Variants in FBLN2 observed in about 807,000 individuals in gnomAD.
FBLN2 encodes fibulin 2.
A neutral mutation model predicts 123.7 loss-of-function variants in FBLN2; 81 were observed. The observed-to-expected ratio is 0.65, with a 90% CI of 0.55 to 0.79. The LOEUF (loss-of-function observed/expected upper bound fraction) is 0.79, where lower values mean the gene tolerates loss of function less well. FBLN2 is among the 30% of genes least tolerant of loss of function. The probability of loss-of-function intolerance (pLI) is 0.00; values close to 1 mark genes in which losing one functional copy is unlikely to be tolerated. For missense variants in FBLN2, 1,603 were observed against 1,681.3 expected (o/e 0.95, Z 0.81); for synonymous variants, 699 against 701.4 (o/e 1.00, Z 0.05).
chr3:13,617,050 G>A (rs1053952067), intron 5 of FBLN2, among the ~76,000 whole-genome samples: 3 of 152,186 alleles, frequency 2.0e-5, no homozygotes, highest in South Asian at 2.1e-4. Flanking sequence ...CTGTCCTATT[G>A]TAGAGGACTC....
At chr3:13,630,596 C>A in intron 14 of FBLN2, 103 bp from the exon 15 acceptor site, 1 of 956,858 alleles carries the variant, frequency 1.0e-6, no homozygotes, top group Non-Finnish European at 1.6e-6. Context: ...CAACCCCAGT[C>A]CAGGCCGGGG....
intron 1 of FBLN2, among the ~76,000 whole-genome samples, chr3:13,562,055 T>C (rs1475816297): frequency 6.6e-6 from 1 of 152,208 alleles, no homozygotes; most frequent in African/African-American, 2.4e-5. Flanking sequence ...GATTAACAGC[T>C]AAAATCCCTA....
intron 2 of FBLN2, among the ~76,000 whole-genome samples, chr3:13,589,927 G>T (rs1250410486): frequency 6.6e-6 from 1 of 152,058 alleles, no homozygotes; most frequent in Non-Finnish European, 1.5e-5. Context: ...TTTTAATCCA[G>T]ATTAATATAA....
chr3:13,561,586 T>C (rs571930588), intron 1 of FBLN2, among the ~76,000 whole-genome samples: 1 of 152,326 alleles, frequency 6.6e-6, no homozygotes, highest in African/African-American at 2.4e-5. Flanking sequence ...CCCAGATCTT[T>C]GCATGGCCAC....
intron 15 of FBLN2, 131 bp downstream of exon 15, chr3:13,630,946 C>T (rs776730446): frequency 2.1e-5 from 15 of 716,336 alleles, no homozygotes; most frequent in Non-Finnish European, 3.1e-5. Flanking sequence ...CAAGCCCCAG[C>T]CCTGCAGTTT....
chr3:13,625,532 C>T (rs1409716126), intron 9 of FBLN2, among the ~76,000 whole-genome samples: 1 of 152,120 alleles, frequency 6.6e-6, no homozygotes, highest in Non-Finnish European at 1.5e-5. Flanking sequence ...GCCAGCAGGG[C>T]TCCCACCTTC....
At chr3:13,556,935 C>G (rs1703479239) in intron 1 of FBLN2, among the ~76,000 whole-genome samples, 1 of 152,238 alleles carries the variant, frequency 6.6e-6, no homozygotes, top group South Asian at 2.1e-4. Context: ...CACCAGGACT[C>G]CCTCACGCCC....
chr3:13,591,642 C>T (rs1327350777), intron 2 of FBLN2, among the ~76,000 whole-genome samples: 1 of 152,164 alleles, frequency 6.6e-6, no homozygotes, highest in Non-Finnish European at 1.5e-5. Flanking sequence ...ACCATTACCA[C>T]TCCGTCTTGA....
chr3:13,630,866 T>C, intron 15 of FBLN2, 51 bp downstream of exon 15: 1 of 1,404,720 alleles, frequency 7.1e-7, no homozygotes, highest in Non-Finnish European at 9.9e-7. Flanking sequence ...CTCCTTTCCC[T>C]TGTGCCAGGC....
chr3:13,603,910 CT>C (rs1381691414), intron 2 of FBLN2, among the ~76,000 whole-genome samples: 1 of 152,160 alleles, frequency 6.6e-6, no homozygotes, highest in African/African-American at 2.4e-5. Context: ...TGTTTCCTGA[CT>C]TTTTAATGAT....
chr3:13,595,212 A>G (rs1215665812), intron 2 of FBLN2, among the ~76,000 whole-genome samples: 1 of 152,176 alleles, frequency 6.6e-6, no homozygotes, highest in Non-Finnish European at 1.5e-5. Context: ...GTGTCCAGAC[A>G]GTAAACACCC....
chr3:13,629,891 C>T lies in FBLN2; in HGVS notation c.2914C>T (p.Arg972Cys), dbSNP rs757259469. 5 of 1,604,598 alleles carry T rather than the reference C, an allele frequency of 3.1e-6. No individual in the cohort carries two copies. Among genetic ancestry groups the T allele is most frequent in the South Asian group, 1.1e-5 (1 of 88,954 alleles). ...HTCENTLGSY[R>C]CSCASGFLLA... ...GTGTGAGAACACACTCGGCTCCTAC[C>T]GCTGTTCCTGCGCCTCCGGGTTCCT... The change falls in exon 14 of 18, where the codon CGC becomes TGC. Residue 972 changes from arginine to cysteine, a missense_variant. Arg to Cys is a radical substitution (Grantham distance 180). Coordinates refer to ENST00000404922, the MANE Select transcript of FBLN2 (RefSeq NM_001004019.2).
Position 13,571,195 on chromosome 3 carries a change from A to G in FBLN2, c.840A>G (p.Glu280=). 1 of 1,569,946 alleles carries G rather than the reference A, an allele frequency of 6.4e-7. No homozygotes were observed. The highest frequency in any genetic ancestry group is 1.2e-5 in the South Asian group (1 of 85,696). Residue 280 remains glutamate, a synonymous_variant, in exon 2 of 18, where the codon GAA becomes GAG. Transcript: ENST00000404922. ...ARRVTEDSEE[E]EEEEEEREEM... ...GAGTGACCGAGGACAGTGAGGAGGA[A>G]GAAGAGGAGGAGGAGGAGAGAGAGG...
At chr3:13,600,217 C>G (rs1259168019) in intron 2 of FBLN2, among the ~76,000 whole-genome samples, 1 of 152,082 alleles carries the variant, frequency 6.6e-6, no homozygotes, top group Non-Finnish European at 1.5e-5. Context: ...AGGGTACTCA[C>G]TCATCGTGCT....
At chr3:13,613,619 C>T (rs975991949) in intron 4 of FBLN2, among the ~76,000 whole-genome samples, 1 of 152,118 alleles carries the variant, frequency 6.6e-6, no homozygotes, top group African/African-American at 2.4e-5. Flanking sequence ...AGTTTAAAGC[C>T]CTCCTGAAGG....
At chr3:13,553,029 G>T (rs1703366663) in intron 1 of FBLN2, among the ~76,000 whole-genome samples, 1 of 152,180 alleles carries the variant, frequency 6.6e-6, no homozygotes, top group Non-Finnish European at 1.5e-5. Flanking sequence ...GCTGAGCCTG[G>T]GTGGTCAGGG....
At position 13,570,413 on chromosome 3, in the gene FBLN2, C is replaced by T. The variant is rs1400316929; in HGVS notation, c.58C>T (p.Leu20=). ...AWLALGLALA[L]GPSVAAAAPR... is the part of the protein sequence containing the mutation. ...GCTTGCTCTGGGCCTGGCCCTGGCC[C>T]TGGGCCCCAGCGTGGCCGCAGCTGC... The change falls in exon 2 of 18, where the codon CTG becomes TTG. Residue 20 remains leucine, a synonymous_variant. Transcript: ENST00000404922. The T allele has an allele frequency of 3.8e-6, 6 of 1,578,348 alleles. No homozygotes were observed. Among genetic ancestry groups the T allele is most frequent in the East Asian group, 4.6e-5 (2 of 43,196 alleles).
chr3:13,630,186 C>T (rs1161168395), intron 14 of FBLN2, among the ~76,000 whole-genome samples: 2 of 152,224 alleles, frequency 1.3e-5, no homozygotes, highest in African/African-American at 4.8e-5. Context: ...CTCCAGCTCC[C>T]TCAGTCCAGA....
Position 13,559,037 on chromosome 3 carries a change from A to G in FBLN2, c.-42+9829A>G, listed in dbSNP as rs1574942268. The stretch of plus-strand genomic sequence containing the variant: ...GGACAACAGAGGGGGATGGGTTAGG[A>G]AAGCTAGGTGGGGTTAGTTGGTGAA... On this transcript the variant is annotated intron_variant, in intron 1 of 17. Transcript: ENST00000404922. Among the ~76,000 whole-genome samples, 4 of 152,184 alleles carry G rather than the reference A, an allele frequency of 2.6e-5. No individual in the cohort carries two copies. In the East Asian group the frequency reaches 7.7e-4, roughly 29 times the overall value.
Sources: gnomAD v4.1 joint callset for allele counts (sites outside exome capture counted in the v4.1 genomes callset) on GRCh38, gnomAD v4.1.1 for gene constraint, MANE v1.5 for transcripts, NCBI Gene and HGNC (gene_info 2026-07-23, HGNC 2026-07-21) for gene names.